Variants in TMEM223 observed in about 807,000 individuals in gnomAD.
TMEM223 encodes the protein transmembrane protein 223.
In TMEM223, 14 loss-of-function variants were observed where a neutral mutation model predicts 14.1. The ratio of observed to expected loss-of-function variants is 0.99; its 90% CI spans 0.66 to 1.55. The LOEUF is 1.55. TMEM223 is among the 40% of genes most tolerant of loss of function. TMEM223 has a pLI of 0.00. For synonymous variants in TMEM223, 145 were observed against 120.5 expected (o/e 1.20, Z -1.33); for missense variants, 346 against 269.9 (o/e 1.28, Z -1.97).
intron 1 of TMEM223, 58 bp from the exon 2 acceptor site, chr11:62,790,973 C>T: frequency 6.9e-7 from 1 of 1,445,008 alleles, no homozygotes; most frequent in Non-Finnish European, 9.2e-7. Context: ...AAGTACCGAC[C>T]TTTCCAGTGC....
At chr11:62,787,323 A>G, downstream of TMEM223, 2 of 1,524,978 alleles carry the variant, frequency 1.3e-6, no homozygotes, top group Non-Finnish European at 1.7e-6. Flanking sequence ...TTCCTTGTAA[A>G]TAAATCCCGC....
downstream of TMEM223, chr11:62,786,455 G>T: frequency 1.3e-6 from 2 of 1,595,402 alleles, no homozygotes; most frequent in South Asian, 1.1e-5. Context: ...GCTTACTTTG[G>T]AATATTTGAT....
chr11:62,787,699 G>A, downstream of TMEM223: 1 of 827,414 alleles, frequency 1.2e-6, no homozygotes, highest in Non-Finnish European at 1.8e-6. Context: ...GCGCTTTGTG[G>A]CTCCTCCTGG....
chr11:62,786,908 T>G, downstream of TMEM223: 1 of 1,517,384 alleles, frequency 6.6e-7, no homozygotes, highest in Non-Finnish European at 8.8e-7. Context: ...AGCGCCATAG[T>G]CAGCCCGCAC....
chr11:62,789,438 G>C, downstream of TMEM223: 2 of 1,613,736 alleles, frequency 1.2e-6, no homozygotes, highest in Middle Eastern at 3.3e-4. Flanking sequence ...TAATGGGAGA[G>C]GGAGGGAAGC....
At chr11:62,776,869 C>T (rs1483656684) in intron 1 of TMEM223, among the ~76,000 whole-genome samples, 1 of 147,776 alleles carries the variant, frequency 6.8e-6, no homozygotes, top group Admixed American at 6.8e-5. Context: ...AAAAAAAAGG[C>T]CGGGCACAGG....
intron 1 of TMEM223, chr11:62,776,300 T>C: frequency 7.1e-7 from 1 of 1,408,590 alleles, no homozygotes; most frequent in Non-Finnish European, 1.0e-6. Flanking sequence ...TTGCCTTCTC[T>C]CCAGTCTGGC....
At chr11:62,778,457 A>G (rs2084203337) in intron 1 of TMEM223, 14 of 1,247,172 alleles carry the variant, frequency 1.1e-5, no homozygotes, top group Admixed American at 3.9e-5. Context: ...GCCTTGTGCC[A>G]TGGTCTGAGT....
chr11:62,786,244 C>T, downstream of TMEM223: 1 of 1,606,112 alleles, frequency 6.2e-7, no homozygotes, highest in Non-Finnish European at 8.5e-7. Context: ...AACTGTATTC[C>T]TTCTCTTCCT....
downstream of TMEM223, among the ~76,000 whole-genome samples, chr11:62,784,451 C>T (rs1283622677): frequency 2.6e-5 from 4 of 151,518 alleles, no homozygotes; most frequent in South Asian, 2.1e-4. Context: ...GGACTACAGG[C>T]GCCCGCCACC....
intron 1 of TMEM223, chr11:62,775,560 A>G: frequency 1.9e-6 from 1 of 532,734 alleles, no homozygotes; most frequent in Non-Finnish European, 3.3e-6. Context: ...GAACCCCAAC[A>G]CTTTGGACTT....
At chr11:62,786,706 G>T (rs754010493), downstream of TMEM223, 5 of 1,612,590 alleles carry the variant, frequency 3.1e-6, no homozygotes, top group African/African-American at 2.7e-5. Context: ...AGGGGGCGCG[G>T]GGCCGGAGGA....
At chr11:62,779,972 A>ATTTTT (rs1367245372) in intron 1 of TMEM223, among the ~76,000 whole-genome samples, 2 of 61,476 alleles carry the variant, frequency 3.3e-5, no homozygotes, top group African/African-American at 9.8e-5. Flanking sequence ...ATATATATAT[A>ATTTTT]TATATTTTTT....
At chr11:62,787,536 G>A, downstream of TMEM223, 1 of 1,553,532 alleles carries the variant, frequency 6.4e-7, no homozygotes, top group Non-Finnish European at 8.6e-7. Context: ...AGGTGCGGCT[G>A]CGGGGCGGGG....
At chr11:62,773,353 G>T (rs2084163503) in intron 2 of TMEM223, among the ~76,000 whole-genome samples, 1 of 151,106 alleles carries the variant, frequency 6.6e-6, no homozygotes, top group South Asian at 2.1e-4. Flanking sequence ...TCACCATATT[G>T]TCCAGGCTGG....
At chr11:62,779,162 A>G (rs1177159110) in intron 1 of TMEM223, among the ~76,000 whole-genome samples, 1 of 151,976 alleles carries the variant, frequency 6.6e-6, no homozygotes, top group Non-Finnish European at 1.5e-5. Context: ...CTGGGATTAC[A>G]GGCGTGTGCC....
chr11:62,780,263 A>C (rs1374068205), intron 1 of TMEM223, among the ~76,000 whole-genome samples: 2 of 151,696 alleles, frequency 1.3e-5, no homozygotes, highest in Non-Finnish European at 1.5e-5. Flanking sequence ...GGTTGCTGTG[A>C]GTCAAGATCA....
chr11:62,782,494 T>C (rs1298540745), intron 1 of TMEM223: 5 of 1,042,962 alleles, frequency 4.8e-6, no homozygotes, highest in Non-Finnish European at 5.5e-6. Context: ...ACTGGGATTC[T>C]GAAAATGGAT....
downstream of TMEM223, chr11:62,788,067 T>C: frequency 2.2e-6 from 1 of 446,710 alleles, no homozygotes; most frequent in Non-Finnish European, 4.5e-6. Context: ...ATTTAATGCC[T>C]ATAAAGTAGG....
Sources: allele counts gnomAD v4.1 joint callset (sites outside exome capture counted in the v4.1 genomes callset), GRCh38; gene constraint gnomAD v4.1.1; transcripts MANE v1.5; gene names NCBI Gene and HGNC (gene_info 2026-07-23, HGNC 2026-07-21).